Variants in UBA2 observed in about 807,000 individuals in gnomAD.
The protein encoded by UBA2 is SUMO-activating enzyme subunit 2.
Under a neutral mutation model 77.2 loss-of-function variants are expected in UBA2, and 11 were observed. The ratio of observed to expected loss-of-function variants is 0.14; its 90% CI spans 0.09 to 0.24. The LOEUF is 0.24. Ranked by LOEUF, UBA2 falls within the 10% of genes least tolerant of loss-of-function variation. UBA2 has a pLI of 1.00. For synonymous variants in UBA2, 278 were observed against 276.7 expected (o/e 1.00, Z -0.05); for missense variants, 487 against 781.7 (o/e 0.62, Z 4.50).
chr19:34,433,817 G>GT (rs911208780), intron 4 of UBA2, among the ~76,000 whole-genome samples: 3 of 152,132 alleles, frequency 2.0e-5, no homozygotes, highest in African/African-American at 7.2e-5. Flanking sequence ...AAATTAGCCG[G>GT]TGTGGTGGCA....
At chr19:34,450,201 C>A in intron 8 of UBA2, 64 bp from the exon 9 acceptor site, 2 of 1,105,656 alleles carry the variant, frequency 1.8e-6, no homozygotes, top group Non-Finnish European at 2.7e-6. Context: ...TCAGCAATGA[C>A]GTTTTCTTGT....
At position 34,458,907 on chromosome 19, in the gene UBA2, C is replaced by T; in HGVS notation, c.1384C>T (p.Leu462Phe). 2 of 1,613,842 alleles carry T rather than the reference C, an allele frequency of 1.2e-6. No individual in the cohort carries two copies. Among genetic ancestry groups the T allele is most frequent in the East Asian group, 2.2e-5 (1 of 44,868 alleles). ...GCTGAATGTCCATAAAGTGACTGTT[C>T]TCACCTTACAAGACAAGGTCAGTGC... ...VRLNVHKVTV[L>F]TLQDKIVKEK... The change falls in exon 13 of 17, where the codon CTC becomes TTC. Residue 462 changes from leucine to phenylalanine, a missense_variant. Around this residue, in one of 9 missense-constraint regions of UBA2, gnomAD observed 300 missense variants for 454.3 expected, o/e 0.66. Coordinates refer to ENST00000246548, the MANE Select transcript of UBA2 (RefSeq NM_005499.3).
In UBA2 at chr19:34,434,886, A is replaced by G. The variant is rs1354999860; in HGVS notation, c.377A>G (p.Asn126Ser). ...CTTCCAGCTGCCCGAAACCATGTTA[A>G]TAGAATGTGCCTGGCAGCTGATGTT... is the stretch of plus-strand genomic sequence containing the variant. ...LDNRAARNHV[N>S]RMCLAADVPL... The change falls in exon 5 of 17, where the codon AAT becomes AGT. Residue 126 changes from asparagine to serine, a missense_variant. Physicochemically the swap from Asn to Ser is conservative, Grantham distance 46. This residue lies in a region of UBA2 where 66 missense variants were observed against 112.0 expected (regional missense o/e 0.59). Transcript: ENST00000246548. 1 of 1,605,642 alleles carries G rather than the reference A, an allele frequency of 6.2e-7. No homozygotes were observed. The highest frequency in any genetic ancestry group is 1.1e-5 in the South Asian group (1 of 89,820).
At chr19:34,436,013 G>A (rs2075304076) in intron 5 of UBA2, among the ~76,000 whole-genome samples, 1 of 151,770 alleles carries the variant, frequency 6.6e-6, no homozygotes, top group African/African-American at 2.4e-5. Flanking sequence ...CCAGCTACTT[G>A]GGAGGCTGAG....
chr19:34,454,744 TAAG>T (rs1206887228), intron 12 of UBA2, among the ~76,000 whole-genome samples, 188 bp downstream of exon 12: 2 of 152,206 alleles, frequency 1.3e-5, no homozygotes, highest in Non-Finnish European at 2.9e-5. Flanking sequence ...AAGGAAAAAT[TAAG>T]AAGTTGCTTT....
At chr19:34,455,861 C>T (rs1304143581) in intron 12 of UBA2, among the ~76,000 whole-genome samples, 1 of 151,868 alleles carries the variant, frequency 6.6e-6, no homozygotes, top group African/African-American at 2.4e-5. Flanking sequence ...AGGCTGGTCT[C>T]GAACTCCTGA....
chr19:34,466,012 G>A (rs2075683531), intron 15 of UBA2, among the ~76,000 whole-genome samples: 1 of 152,028 alleles, frequency 6.6e-6, no homozygotes, highest in Non-Finnish European at 1.5e-5. Context: ...ATGTAGTTCT[G>A]CCCATAAGAC....
intron 7 of UBA2, 90 bp downstream of exon 7, chr19:34,444,001 T>C (rs2075398196): frequency 2.5e-6 from 2 of 789,764 alleles, no homozygotes; most frequent in Non-Finnish European, 4.4e-6. Flanking sequence ...AAAAAATTGC[T>C]ATATGTGCTA....
chr19:34,448,531 A>G (rs2075456284), intron 8 of UBA2, among the ~76,000 whole-genome samples: 1 of 152,076 alleles, frequency 6.6e-6, no homozygotes, highest in East Asian at 1.9e-4. Context: ...AGAGGTTGAG[A>G]CTTCAGTGAG....
intron 2 of UBA2, among the ~76,000 whole-genome samples, 174 bp from the exon 3 acceptor site, chr19:34,431,687 T>C (rs750535068): frequency 1.3e-5 from 2 of 152,170 alleles, no homozygotes; most frequent in Non-Finnish European, 2.9e-5. Context: ...TATAAAAGTA[T>C]AATTTTATAA....
At chr19:34,435,404 CAAACTT>C (rs1016976166) in intron 5 of UBA2, among the ~76,000 whole-genome samples, 10 of 152,094 alleles carry the variant, frequency 6.6e-5, no homozygotes, top group South Asian at 2.1e-4. Context: ...TCTCAAAAAA[CAAACTT>C]AAAATGCTAT....
rs188553938 is a variant in UBA2, at chr19:34,453,612, G to A, written c.1039-648G>A. Among the ~76,000 whole-genome samples the A allele has an allele frequency of 4.6e-3, 685 of 149,268 alleles. 6 individuals carry two copies. Among genetic ancestry groups the A allele is most frequent in the African/African-American group, 0.016 (649 of 40,460 alleles). ...GATCTTGGCTTACTGCAGCCTCTGC[G>A]TCCCGGGTTCAAGTGATCCCGCCAC... is the stretch of plus-strand genomic sequence containing the variant. On this transcript the variant is annotated intron_variant, in intron 10 of 16. Coordinates refer to ENST00000246548, the MANE Select transcript of UBA2 (RefSeq NM_005499.3).
chr19:34,444,599 G>A (rs939159480), intron 7 of UBA2, among the ~76,000 whole-genome samples: 1 of 152,174 alleles, frequency 6.6e-6, no homozygotes, highest in African/African-American at 2.4e-5. Flanking sequence ...ATGAGGTCAG[G>A]AGTTTGAGAC....
At chr19:34,448,551 C>T (rs1181288320) in intron 8 of UBA2, among the ~76,000 whole-genome samples, 2 of 152,150 alleles carry the variant, frequency 1.3e-5, no homozygotes, top group East Asian at 1.9e-4. Context: ...GCTATGGTCA[C>T]ACCACTGCAC....
At chr19:34,446,179 C>T (rs1431789055) in intron 8 of UBA2, among the ~76,000 whole-genome samples, 1 of 152,012 alleles carries the variant, frequency 6.6e-6, no homozygotes, top group Non-Finnish European at 1.5e-5. Context: ...GAGCCTAGCC[C>T]CTAGCAAGTT....
At chr19:34,467,086 AACATTG>A in intron 16 of UBA2, 72 bp downstream of exon 16, 3 of 1,547,682 alleles carry the variant, frequency 1.9e-6, no homozygotes, top group Non-Finnish European at 2.7e-6. Flanking sequence ...GATTATTAGG[AACATTG>A]ACCATAAATC....
At chr19:34,456,100 C>CTTTTCTTTTTTTTTTTTTTTTTTT (rs2075557152) in intron 12 of UBA2, among the ~76,000 whole-genome samples, 5 of 55,782 alleles carry the variant, frequency 9.0e-5, no homozygotes, top group African/African-American at 1.4e-4. Flanking sequence ...TTTTCCTTTT[C>CTTTTCTTTTTTTTTTTTTTTTTTT]TTTTTCTTTT....
At chr19:34,440,087 G>A (rs2075352409) in intron 6 of UBA2, among the ~76,000 whole-genome samples, 1 of 152,096 alleles carries the variant, frequency 6.6e-6, no homozygotes, top group South Asian at 2.1e-4. Flanking sequence ...ACTTTGGGAG[G>A]CTGAGGTGGG....
chr19:34,431,244 C>T (rs373883131), intron 2 of UBA2, among the ~76,000 whole-genome samples: 19 of 69,386 alleles, frequency 2.7e-4, no homozygotes, highest in East Asian at 1.0e-3. Flanking sequence ...ATTTTCTTTT[C>T]TTTTTTTTTT....
Sources: allele counts gnomAD v4.1 joint callset (sites outside exome capture counted in the v4.1 genomes callset), GRCh38; gene constraint gnomAD v4.1.1; regional missense constraint gnomAD v4.1.1; transcripts MANE v1.5; gene names NCBI Gene and HGNC (gene_info 2026-07-23, HGNC 2026-07-21).